TLR1: variants seen among roughly 807,000 people sequenced by gnomAD.
The protein encoded by TLR1 is toll like receptor 1, also known as toll-like receptor 1.
In TLR1, 19 loss-of-function variants were observed where a neutral mutation model predicts 20.2. That is an observed-to-expected ratio of 0.94 (90% CI 0.66 to 1.38). The LOEUF is 1.38. TLR1 is among the 40% of genes most tolerant of loss of function. TLR1 has a pLI of 0.00. For missense variants in TLR1, 921 were observed against 910.0 expected, an observed-to-expected ratio of 1.01 and a Z score of -0.16; for synonymous variants, 320 against 334.5, an observed-to-expected ratio of 0.96 and a Z score of 0.47.
rs1726321259 is a variant in TLR1, at chr4:38,798,341, A to G, written c.491T>C (p.Ile164Thr). The change falls in exon 4 of 4, where the codon ATC becomes ACC. Residue 164 changes from isoleucine (I) to threonine (T), a missense_variant. By Grantham distance (89) the Ile-to-Thr change is moderately conservative. Coordinates refer to ENST00000308979, the MANE Select transcript of TLR1 (RefSeq NM_003263.4). ...SSVLPIAHLN[I>T]SKVLLVLGET... Reference sequence around the variant, plus strand: ...TCCTAAGACCAGCAAGACCTTGCTGATATTCAAATGAGCAATTGGCAGCAC... The same window carrying G: ...TCCTAAGACCAGCAAGACCTTGCTGGTATTCAAATGAGCAATTGGCAGCAC... 1 of 1,613,872 alleles carries G rather than the reference A, an allele frequency of 6.2e-7. No individual in the cohort carries two copies. The highest frequency in any genetic ancestry group is 8.5e-7 in the Non-Finnish European group (1 of 1,179,968).
intron 2 of TLR1, among the ~76,000 whole-genome samples, chr4:38,803,001 G>A (rs1579217457): frequency 6.6e-6 from 1 of 152,142 alleles, no homozygotes. Context: ...GGACTGAGGG[G>A]AGCCAGGACA....
intron 3 of TLR1, 37 bp from the exon 4 acceptor site, chr4:38,798,935 A>C: frequency 1.0e-6 from 1 of 994,618 alleles, no homozygotes; most frequent in South Asian, 2.0e-5. Context: ...AATACATTAC[A>C]TACATTTTTA....
Position 38,798,549 on chromosome 4 carries a change from A to G in TLR1, c.283T>C (p.Leu95=), listed in dbSNP as rs1472600322. The part of the protein sequence containing the change: ...DISVFKFNQE[L]EYLDLSHNKL... ...TTGTGGGACAAATCCAAGTATTCCA[A>G]TTCCTGGTTGAATTTGAAAACACTG... is the stretch of plus-strand genomic sequence containing the variant. The change falls in exon 4 of 4, where the codon TTG becomes CTG. Residue 95 remains leucine (L), a synonymous_variant. Transcript: ENST00000308979. 3.7e-6 allele frequency: 6 copies of G among 1,614,160 alleles called. 1 individual carries two copies. The Admixed American group carries it at 1.0e-4, about 27-fold the overall frequency.
downstream of TLR1, among the ~76,000 whole-genome samples, chr4:38,793,739 T>C (rs1298311698): frequency 6.6e-6 from 1 of 152,200 alleles, no homozygotes; most frequent in Non-Finnish European, 1.5e-5. Context: ...AGTTGAATTG[T>C]GTCTCCGAAA....
At chr4:38,803,395 C>T (rs1458919613) in intron 2 of TLR1, among the ~76,000 whole-genome samples, 1 of 152,200 alleles carries the variant, frequency 6.6e-6, no homozygotes, top group Non-Finnish European at 1.5e-5. Context: ...TAAGTTTCTA[C>T]GACCCATATG....
chr4:38,792,078 C>T (rs1400802238), downstream of TLR1, among the ~76,000 whole-genome samples: 1 of 152,092 alleles, frequency 6.6e-6, no homozygotes. Flanking sequence ...CAGTATTATG[C>T]CCATTTTATA....
In TLR1 at chr4:38,800,249, T is replaced by C. The variant is rs56118798; in HGVS notation, c.-68+608A>G. Among the ~76,000 whole-genome samples the C allele has an allele frequency of 7.9e-5, 12 of 152,168 alleles. No individual in the cohort carries two copies. The South Asian group carries it at 2.5e-3, about 32-fold the overall frequency. On this transcript the variant is annotated intron_variant, in intron 3 of 3. Coordinates refer to ENST00000308979, the MANE Select transcript of TLR1 (RefSeq NM_003263.4). ...GAAGGAACGGGAAGGTCAATGTTAG[T>C]AAGGAGTTAGGGAAGATGAGAGGAG...
At position 38,797,082 on chromosome 4, in the gene TLR1, C is replaced by A; in HGVS notation, c.1750G>T (p.Val584Phe). 6.2e-7 allele frequency: 1 copy of A among 1,614,138 alleles called. No homozygotes were observed. The highest frequency in any genetic ancestry group is 1.1e-5 in the South Asian group (1 of 91,080). The change falls in exon 4 of 4, where the codon GTC (valine) becomes TTC (phenylalanine). Residue 584 changes from valine to phenylalanine, a missense_variant. Coordinates refer to ENST00000308979, the MANE Select transcript of TLR1 (RefSeq NM_003263.4). ...ACCAGCATGGTGGCAACGATGGTGA[C>A]GATCAGCAGAGTTATGTTGCAGGAT... is the stretch of plus-strand genomic sequence containing the variant. The part of the protein sequence containing the change: ...ELSCNITLLI[V>F]TIVATMLVLA...
chr4:38,804,493 A>G (rs1726894554), intron 1 of TLR1, 111 bp from the exon 2 acceptor site: 1 of 152,200 alleles, frequency 6.6e-6, no homozygotes, highest in South Asian at 2.1e-4. Context: ...CCAAATATTC[A>G]TTTCCCAACT....
Position 38,797,673 on chromosome 4 carries a change from G to A in TLR1, c.1159C>T (p.Leu387Phe), listed in dbSNP as rs753546211. The A allele has an allele frequency of 1.9e-6, 3 of 1,613,732 alleles. No individual in the cohort carries two copies. Among genetic ancestry groups the A allele is most frequent in the African/African-American group, 2.7e-5 (2 of 74,908 alleles). ...LILQMNQLKE[L>F]SKIAEMTTQM... ...GTAGTCATTTCAGCTATTTTTGAAA[G>A]TTCTTTTAATTGATTCATTTGTAAA... Residue 387 changes from leucine to phenylalanine, a missense_variant, in exon 4 of 4, where the codon CTT becomes TTT. Leu to Phe is a conservative substitution (Grantham distance 22). Transcript: ENST00000308979.
rs756332448 is a variant in TLR1, at chr4:38,798,177, A to T, written c.655T>A (p.Ser219Thr). The change falls in exon 4 of 4, where the codon TCT (serine) becomes ACT (threonine). Residue 219 changes from serine to threonine, a missense_variant. Ser to Thr is a moderately conservative substitution (Grantham distance 58). Transcript: ENST00000308979. ...SVKTVANLEL[S>T]NIKCVLEDNK... ...TCTTCTAGCACACATTTGATATTAG[A>T]TAGTTCCAGATTTGCTACAGTCTTG... 1 of 1,614,114 alleles carries T rather than the reference A, an allele frequency of 6.2e-7. No individual in the cohort carries two copies. The highest frequency in any genetic ancestry group is 8.5e-7 in the Non-Finnish European group (1 of 1,179,994).
downstream of TLR1, among the ~76,000 whole-genome samples, chr4:38,789,295 G>A (rs1011624436): frequency 1.3e-5 from 2 of 152,130 alleles, no homozygotes; most frequent in African/African-American, 4.8e-5. Context: ...TTTAGTTATT[G>A]TTTTGTTAAT....
chr4:38,795,631 G>C (rs1280582515), downstream of TLR1, among the ~76,000 whole-genome samples: 2 of 152,184 alleles, frequency 1.3e-5, no homozygotes, highest in Non-Finnish European at 1.5e-5. Flanking sequence ...ACACTTTCTT[G>C]GTCTGGGCTC....
Position 38,797,439 on chromosome 4 carries a change from C to A in TLR1, c.1393G>T (p.Val465Leu), listed in dbSNP as rs200070488. ...AGTTCTTGCAAAGCTTCCAGTTTTA[C>A]GACTTGTTTAGGAATGCTCTTTATT... ...NKIKSIPKQV[V>L]KLEALQELNV... The change falls in exon 4 of 4, where the codon GTA becomes TTA. Residue 465 changes from valine (V) to leucine (L), a missense_variant. Physicochemically the swap from Val to Leu is conservative, Grantham distance 32. Transcript: ENST00000308979. 28 of 1,613,958 alleles carry A rather than the reference C, an allele frequency of 1.7e-5. No homozygotes were observed. The highest frequency in any genetic ancestry group is 2.4e-5 in the Non-Finnish European group (28 of 1,180,048).
downstream of TLR1, among the ~76,000 whole-genome samples, chr4:38,788,663 G>A (rs1725654672): frequency 6.6e-6 from 1 of 152,148 alleles, no homozygotes. Flanking sequence ...TGAGCCAGTT[G>A]TTAAAAATAA....
In TLR1 at chr4:38,798,399, C is replaced by T; in HGVS notation, c.433G>A (p.Gly145Arg). ...TTTTCTAAGTGTGTGGTGCTCAACCCCAGAAATTTTAGTTGAGACATATTG... is the reference window on the plus strand; with the variant it reads ...TTTTCTAAGTGTGTGGTGCTCAACCTCAGAAATTTTAGTTGAGACATATTG... ...FGNMSQLKFL[G>R]LSTTHLEKSS... Residue 145 changes from glycine to arginine, a missense_variant, in exon 4 of 4, where the codon GGG becomes AGG. Coordinates refer to ENST00000308979, the MANE Select transcript of TLR1 (RefSeq NM_003263.4). The T allele has an allele frequency of 6.2e-7, 1 of 1,613,510 alleles. No individual in the cohort carries two copies. The highest frequency in any genetic ancestry group is 1.1e-5 in the South Asian group (1 of 91,032).
upstream of TLR1, chr4:38,804,871 G>A (rs1371459164): frequency 6.6e-6 from 1 of 152,126 alleles, no homozygotes; most frequent in African/African-American, 2.4e-5. Flanking sequence ...CAAAAAGGCT[G>A]TTTTATGCCA....
chr4:38,790,803 C>T (rs1251902215), downstream of TLR1: 1 of 151,950 alleles, frequency 6.6e-6, no homozygotes, highest in Non-Finnish European at 1.5e-5. Context: ...AACATATTTT[C>T]CAATGCTTCT....
Position 38,798,091 on chromosome 4 carries a change from T to C in TLR1, c.741A>G (p.Ser247=). 6.2e-7 allele frequency: 1 copy of C among 1,613,606 alleles called. No homozygotes were observed. The highest frequency in any genetic ancestry group is 8.5e-7 in the Non-Finnish European group (1 of 1,179,590). ...TTTCAATGTTGTTTAAGGTAAGATT[T>C]GATAACTTTGGATTTGTTTGAAGTT... The part of the protein sequence containing the change: ...LAKLQTNPKL[S]NLTLNNIETT... The change falls in exon 4 of 4, where the codon TCA becomes TCG. Residue 247 remains serine, a synonymous_variant. Coordinates refer to ENST00000308979, the MANE Select transcript of TLR1 (RefSeq NM_003263.4).
Sources: gnomAD v4.1 joint callset for allele counts (sites outside exome capture counted in the v4.1 genomes callset) on GRCh38, gnomAD v4.1.1 for gene constraint, MANE v1.5 for transcripts, NCBI Gene and HGNC (gene_info 2026-07-23, HGNC 2026-07-21) for gene names.